The following PCYT2 variants were observed in gnomAD, a reference collection of about 807,000 sequenced individuals.
The protein encoded by PCYT2 is ethanolamine-phosphate cytidylyltransferase.
A neutral mutation model predicts 50.0 loss-of-function variants in PCYT2; 33 were observed. The observed-to-expected ratio is 0.66, with a 90% CI of 0.50 to 0.88. The LOEUF (loss-of-function observed/expected upper bound fraction) is 0.88. Ranked by LOEUF, PCYT2 falls within the 40% of genes least tolerant of loss-of-function variation. The probability of loss-of-function intolerance (pLI) is 0.00; values close to 1 mark genes in which losing one functional copy is unlikely to be tolerated. For synonymous variants in PCYT2, 240 were observed against 203.7 expected, an observed-to-expected ratio of 1.18 and a Z score of -1.52; for missense variants, 430 against 519.7, an observed-to-expected ratio of 0.83 and a Z score of 1.68.
chr17:81,905,879 G>A, intron 9 of PCYT2, 144 bp from the exon 10 acceptor site: 1 of 882,532 alleles, frequency 1.1e-6, no homozygotes, highest in South Asian at 1.4e-5. Context: ...GGGACCCCTG[G>A]GGCTCCTCCA....
rs1395227905 is a variant in PCYT2, at chr17:81,904,653, T to C, written c.*180A>G. The C allele has an allele frequency of 8.5e-6, 5 of 587,422 alleles. No homozygotes were observed. The highest frequency in any genetic ancestry group is 1.5e-5 in the Non-Finnish European group (5 of 331,042). 36.4% of individuals were successfully genotyped at this position (587,422 alleles called of 1,614,324 possible). The stretch of plus-strand genomic sequence containing the variant: ...GGACACCCTCTCTGAGCAGCTTTGC[T>C]GGAAAGAGCGGAGAGCCTGCTGCAA... On this transcript the variant is annotated 3_prime_UTR_variant, in exon 13 of 13. Coordinates refer to ENST00000538936, the MANE Select transcript of PCYT2 (RefSeq NM_002861.5).
chr17:81,907,276 C>T (rs1253469538), intron 6 of PCYT2: 6 of 1,526,616 alleles, frequency 3.9e-6, no homozygotes, highest in Non-Finnish European at 5.3e-6. Context: ...GGAGAGAGGG[C>T]CAGGCCACTT....
chr17:81,906,291 A>C, intron 8 of PCYT2, 114 bp from the exon 9 acceptor site: 1 of 1,137,392 alleles, frequency 8.8e-7, no homozygotes, highest in Non-Finnish European at 1.3e-6. Context: ...CCTTGTGGGG[A>C]TGCCCCAGAC....
Position 81,902,263 on chromosome 17 carries a change from TCAGCC to T in PCYT2, c.*2565_*2569del. The T allele has an allele frequency of 8.1e-7, 1 of 1,242,186 alleles. No individual in the cohort carries two copies. The highest frequency in any genetic ancestry group is 1.0e-6 in the Non-Finnish European group (1 of 994,854). The allele number at this position is 1,242,186 out of a possible 1,614,324, so 76.9% of individuals were successfully genotyped here. ...GAGCCCGGACGCCGCCGCCCACCAG[TCAGCC>T]GGCGTCCCCATGGCCCGGTCCGCGA... is the stretch of plus-strand genomic sequence containing the variant. On this transcript the variant is annotated 3_prime_UTR_variant, in exon 13 of 13. Coordinates refer to ENST00000538936, the MANE Select transcript of PCYT2 (RefSeq NM_002861.5).
At chr17:81,909,299 G>C in intron 2 of PCYT2, 1 of 1,431,302 alleles carries the variant, frequency 7.0e-7, no homozygotes, top group Non-Finnish European at 9.1e-7. Flanking sequence ...CAGTGGTGGG[G>C]AGCAGGTGCC....
intron 6 of PCYT2, chr17:81,907,214 C>A (rs1168013156): frequency 3.3e-6 from 5 of 1,533,622 alleles, no homozygotes; most frequent in Non-Finnish European, 4.4e-6. Flanking sequence ...CTGGGAGCAG[C>A]CTTCTGAGGA....
Position 81,904,952 on chromosome 17 carries a change from G to A in PCYT2, c.1059-8C>T, listed in dbSNP as rs899762055. On this transcript the variant is annotated splice_polypyrimidine_tract_variant and splice_region_variant and intron_variant, in intron 12 of 12. Transcript: ENST00000538936. ...CGCGCCTCATACTCCAACCTGAGAG[G>A]GCAGGGTAAGTCTAGCAGAGAGCGC... is the stretch of plus-strand genomic sequence containing the variant. The A allele has an allele frequency of 1.9e-6, 3 of 1,610,812 alleles. No individual in the cohort carries two copies. The highest frequency in any genetic ancestry group is 1.7e-5 in the Admixed American group (1 of 59,882).
In PCYT2 at chr17:81,902,428, C is replaced by T. The variant is rs901456655; in HGVS notation, c.*2405G>A. 1.5e-6 allele frequency: 2 copies of T among 1,352,986 alleles called. No homozygotes were observed. The highest frequency in any genetic ancestry group is 1.9e-6 in the Non-Finnish European group (2 of 1,060,224). The allele number at this position is 1,352,986 out of a possible 1,614,324, so 83.8% of individuals were successfully genotyped here. ...GCTGCTGTCCGGCCTCCGCAGGTCCCCGTACGCGCGGCGCTCCCAGCCCTA... is the reference window on the plus strand; with the variant it reads ...GCTGCTGTCCGGCCTCCGCAGGTCCTCGTACGCGCGGCGCTCCCAGCCCTA... On this transcript the variant is annotated 3_prime_UTR_variant, in exon 13 of 13. Transcript: ENST00000538936.
At chr17:81,909,923 C>T (rs2040484164) in intron 1 of PCYT2, among the ~76,000 whole-genome samples, 1 of 152,140 alleles carries the variant, frequency 6.6e-6, no homozygotes, top group South Asian at 2.1e-4. Flanking sequence ...GGCCACGTGT[C>T]CTATCCCCTC....
chr17:81,910,349 G>A lies in PCYT2; in HGVS notation c.90-747C>T, dbSNP rs571593787. ...AGCTGTCCCTGCCTCTCCAGGGAGAGGTGTGACCCTGGCAGCCCACACAGT... is the reference window on the plus strand; with the variant it reads ...AGCTGTCCCTGCCTCTCCAGGGAGAAGTGTGACCCTGGCAGCCCACACAGT... On this transcript the variant is annotated intron_variant, in intron 1 of 12. Coordinates refer to ENST00000538936, the MANE Select transcript of PCYT2 (RefSeq NM_002861.5). 6.1e-4 allele frequency among the ~76,000 whole-genome samples: 93 copies of A among 152,344 alleles called. 1 individual carries two copies. Among genetic ancestry groups the A allele is most frequent in the Middle Eastern group, 6.8e-3 (2 of 294 alleles).
intron 9 of PCYT2, 77 bp from the exon 10 acceptor site, chr17:81,905,812 C>T (rs549453436): frequency 8.2e-5 from 120 of 1,461,268 alleles, no homozygotes; most frequent in South Asian, 1.0e-4. Context: ...TGGTGAGAGA[C>T]GGCTCAGACA....
At chr17:81,910,830 G>A (rs1024497874) in intron 1 of PCYT2, 1 of 950,836 alleles carries the variant, frequency 1.1e-6, no homozygotes. Flanking sequence ...TTCTAGCCCC[G>A]CGGAGGAGGA....
In PCYT2 at chr17:81,908,780, G is replaced by A. The variant is rs150192356; in HGVS notation, c.340+96C>T. On this transcript the variant is annotated intron_variant, in intron 3 of 12. Coordinates refer to ENST00000538936, the MANE Select transcript of PCYT2 (RefSeq NM_002861.5). ...CCCGGAAATGTCTCAGATCCTCAAA[G>A]GGCGGAGGCCCCCTGTTCCCGGATG... 263 of 1,379,030 alleles carry A rather than the reference G, an allele frequency of 1.9e-4. No homozygotes were observed. In the African/African-American group the frequency reaches 3.5e-3, roughly 18 times the overall value. The allele number at this position is 1,379,030 out of a possible 1,614,324, so 85.4% of individuals were successfully genotyped here. A position where few individuals can be genotyped will look rare whatever the true frequency, so the allele number is the denominator to read the frequency against.
Position 81,906,455 on chromosome 17 carries a change from G to C in PCYT2, c.759+9C>G, listed in dbSNP as rs1330780773. On this transcript the variant is annotated intron_variant, in intron 8 of 12. Transcript: ENST00000538936. ...TGCCCAGGGGCCCAGGGAGCAAGAAGGCAGTGACCTGGTCAAAGTGTAAGC... is the reference window on the plus strand; with the variant it reads ...TGCCCAGGGGCCCAGGGAGCAAGAACGCAGTGACCTGGTCAAAGTGTAAGC... The C allele has an allele frequency of 6.2e-7, 1 of 1,612,232 alleles. No individual in the cohort carries two copies. The highest frequency in any genetic ancestry group is 8.5e-7 in the Non-Finnish European group (1 of 1,179,088).
At chr17:81,906,715 C>T (rs775176114) in intron 7 of PCYT2, 45 bp downstream of exon 7, 1 of 1,606,590 alleles carries the variant, frequency 6.2e-7, no homozygotes, top group Non-Finnish European at 8.5e-7. Flanking sequence ...CCGGGTCCCA[C>T]CCCATGTGGC....
At chr17:81,906,423 C>T in intron 8 of PCYT2, 41 bp downstream of exon 8, 1 of 1,579,670 alleles carries the variant, frequency 6.3e-7, no homozygotes, top group Non-Finnish European at 8.7e-7. Flanking sequence ...CTCGAGGGCC[C>T]ATCAGCTGCC....
chr17:81,902,336 C>T lies in PCYT2; in HGVS notation c.*2497G>A, dbSNP rs1435531723. On this transcript the variant is annotated 3_prime_UTR_variant, in exon 13 of 13. Transcript: ENST00000538936. ...CTGGCGCTGTGCCTGCTGCTGGCGC[C>T]GCCTGGCCTCGCGTGGTACAAGCCA... The T allele has an allele frequency of 3.0e-6, 4 of 1,340,638 alleles. No individual in the cohort carries two copies. The highest frequency in any genetic ancestry group is 1.5e-5 in the African/African-American group (1 of 65,130). The allele number at this position is 1,340,638 out of a possible 1,614,324, so 83.0% of individuals were successfully genotyped here.
At chr17:81,908,369 T>TGCA (rs2040393038) in intron 4 of PCYT2, among the ~76,000 whole-genome samples, 199 bp downstream of exon 4, 1 of 152,256 alleles carries the variant, frequency 6.6e-6, no homozygotes, top group Admixed American at 6.5e-5. Flanking sequence ...GCCATGGGTC[T>TGCA]GCAGCACCAA....
At chr17:81,908,849 C>G in intron 3 of PCYT2, 27 bp downstream of exon 3, 1 of 1,589,276 alleles carries the variant, frequency 6.3e-7, no homozygotes, top group Non-Finnish European at 8.6e-7. Context: ...TGTCCCCAGG[C>G]CCCCAGGTCC....
Sources: allele counts gnomAD v4.1 joint callset (sites outside exome capture counted in the v4.1 genomes callset), GRCh38; gene constraint gnomAD v4.1.1; transcripts MANE v1.5; gene names NCBI Gene and HGNC (gene_info 2026-07-23, HGNC 2026-07-21).